The following TTN variants were observed in gnomAD, a reference collection of about 807,000 sequenced individuals.
TTN encodes titin.
A neutral mutation model predicts 3,223.0 loss-of-function variants in TTN; 1,525 were observed. The ratio of observed to expected loss-of-function variants is 0.47; its 90% CI spans 0.45 to 0.49. TTN has a LOEUF of 0.49. TTN is among the 20% of genes least tolerant of loss of function. The pLI, the probability that TTN is intolerant of heterozygous loss-of-function variation, is 0.00. For missense variants in TTN, 40,786 were observed against 43,424.0 expected (o/e 0.94, Z 5.40); for synonymous variants, 14,094 against 15,161.0 (o/e 0.93, Z 5.17).
In TTN at chr2:178,695,348, C is replaced by G. The variant is rs1352290576; in HGVS notation, c.31270G>C (p.Val10424Leu). 6.2e-7 allele frequency: 1 copy of G among 1,610,626 alleles called. No individual in the cohort carries two copies. Among genetic ancestry groups the G allele is most frequent in the Admixed American group, 1.7e-5 (1 of 59,926 alleles). ...TATTTAAATATTTCTAATTACTTAC[C>G]TTTAGGAGGTGGTGGTGCTTTCTTT... ...PEKKAPPPPK[V>L]IKKPVIEKIE... Residue 10424 changes from valine to leucine, a missense_variant and splice_region_variant, in exon 115 of 363, where the codon GTT becomes CTT. Physicochemically the swap from Val to Leu is conservative, Grantham distance 32. Transcript: ENST00000589042.
At chr2:178,676,822 G>A (rs959242091) in intron 147 of TTN, among the ~76,000 whole-genome samples, 1 of 151,456 alleles carries the variant, frequency 6.6e-6, no homozygotes, top group African/African-American at 2.4e-5. Flanking sequence ...TGTTAAAAAG[G>A]CATTTAATAT....
chr2:178,617,057 G>C (rs773300670), intron 255 of TTN, 44 bp from the exon 256 acceptor site: 18 of 1,610,962 alleles, frequency 1.1e-5, no homozygotes, highest in Non-Finnish European at 3.4e-6. Flanking sequence ...CCATATTTAA[G>C]TCCCTGTTGC....
In TTN at chr2:178,569,006, T is replaced by A. The variant is rs1707103269; in HGVS notation, c.77126A>T (p.Asp25709Val). 6.2e-7 allele frequency: 1 copy of A among 1,613,280 alleles called. No individual in the cohort carries two copies. The highest frequency in any genetic ancestry group is 8.5e-7 in the Non-Finnish European group (1 of 1,179,556). ...CAGAGAGACACTGTTTCTGGTGACA[T>A]CATCCACAGTTATTTTTCCAGGAGG... ...PQPPGKITVD[D>V]VTRNSVSLSW... Residue 25709 changes from aspartate to valine, a missense_variant, in exon 326 of 363, where the codon GAT becomes GTT. By Grantham distance (152) the Asp-to-Val change is radical. Transcript: ENST00000589042.
rs906494713 is a variant in TTN, at chr2:178,610,090, G to T, written c.51436C>A (p.Gln17146Lys). Residue 17146 changes from glutamine (Q) to lysine (K), a missense_variant and splice_region_variant, in exon 271 of 363, where the codon CAA (glutamine) becomes AAA (lysine). Transcript: ENST00000589042. The stretch of plus-strand genomic sequence containing the variant: ...ATAGTGCATCCATGTCCAAACTTAC[G>T]CTTTGGATCTTGAGCAATGACTGGA... ...KNPVIAQDPK[Q>K]PPDPPVDVEV... is the part of the protein sequence containing the mutation. 1 of 1,612,492 alleles carries T rather than the reference G, an allele frequency of 6.2e-7. No homozygotes were observed. The highest frequency in any genetic ancestry group is 8.5e-7 in the Non-Finnish European group (1 of 1,179,238).
At chr2:178,545,271 A>G (rs918366485) in intron 344 of TTN, 117 bp downstream of exon 344, 2 of 895,390 alleles carry the variant, frequency 2.2e-6, no homozygotes, top group African/African-American at 1.7e-5. Context: ...GCAAATAAGC[A>G]TGTGCTTTTC....
At chr2:178,784,422 T>A in intron 15 of TTN, 71 bp from the exon 16 acceptor site, 1 of 1,575,576 alleles carries the variant, frequency 6.3e-7, no homozygotes, top group African/African-American at 1.3e-5. Context: ...TTGGACTGAG[T>A]CTGAGCCTAT....
intron 218 of TTN, 117 bp downstream of exon 218, chr2:178,644,431 T>G: frequency 1.4e-6 from 1 of 729,732 alleles, no homozygotes; most frequent in South Asian, 2.5e-5. Flanking sequence ...AAGAAATGAA[T>G]GGGACTACTC....
In TTN at chr2:178,604,992, A is replaced by T. The variant is rs753606067; in HGVS notation, c.54185T>A (p.Val18062Glu). The change falls in exon 280 of 363, where the codon GTA becomes GAA. Residue 18062 changes from valine to glutamate, a missense_variant. Val to Glu is a moderately radical substitution (Grantham distance 121). Coordinates refer to ENST00000589042, the MANE Select transcript of TTN (RefSeq NM_001267550.2). ...GSVFRNVHVEVYDRPSPPRNL... is the reference protein window; with the variant it reads ...GSVFRNVHVEEYDRPSPPRNL... ...TAAGAAAGCAAGTCACTTACCATAT[A>T]CTTCAACGTGAACATTTCGGAACAC... The T allele has an allele frequency of 1.3e-6, 2 of 1,594,492 alleles. No individual in the cohort carries two copies. Among genetic ancestry groups the T allele is most frequent in the South Asian group, 1.1e-5 (1 of 87,874 alleles).
intron 20 of TTN, among the ~76,000 whole-genome samples, chr2:178,781,919 T>G (rs1382684718): frequency 6.6e-6 from 1 of 151,890 alleles, no homozygotes; most frequent in Non-Finnish European, 1.5e-5. Flanking sequence ...TGTGTGTGTG[T>G]GTGTGTGTGT....
intron 6 of TTN, among the ~76,000 whole-genome samples, chr2:178,796,829 G>A (rs1424555374): frequency 1.3e-5 from 2 of 152,096 alleles, no homozygotes; most frequent in Admixed American, 6.5e-5. Flanking sequence ...TTATAGGAGA[G>A]TGCTTATTTC....
rs750298764 is a variant in TTN at position 178,618,221 on chromosome 2, G to T, written c.47237C>A (p.Thr15746Asn). 2 of 1,612,612 alleles carry T rather than the reference G, an allele frequency of 1.2e-6. No homozygotes were observed. Among genetic ancestry groups the T allele is most frequent in the Admixed American group, 3.3e-5 (2 of 59,918 alleles). Residue 15746 changes from threonine to asparagine, a missense_variant, in exon 252 of 363, where the codon ACT becomes AAT. Transcript: ENST00000589042. ...NRVGTGEPVETDNPVEARSKY... is the reference protein window; with the variant it reads ...NRVGTGEPVENDNPVEARSKY... ...ACTCCTTGCTTCTACAGGATTGTCAGTTTCTACTGGCTCACCAGTGCCAAC... is the reference window on the plus strand; with the variant it reads ...ACTCCTTGCTTCTACAGGATTGTCATTTTCTACTGGCTCACCAGTGCCAAC...
rs771825568 is a variant in TTN at position 178,706,621 on chromosome 2, G to T, written c.29253C>A (p.Gly9751=). ...QGGRVFIHQK[G]DEAKLEIRDT... is the part of the protein sequence containing the mutation. Reference sequence around the variant, plus strand: ...CCCTAATCTCCAGTTTTGCTTCATCGCCTTTTTGGTGGATGAAAACACGAC... The same window carrying T: ...CCCTAATCTCCAGTTTTGCTTCATCTCCTTTTTGGTGGATGAAAACACGAC... The change falls in exon 102 of 363, where the codon GGC becomes GGA. Residue 9751 remains glycine (G), a synonymous_variant. Transcript: ENST00000589042. 6 of 1,613,692 alleles carry T rather than the reference G, an allele frequency of 3.7e-6. No individual in the cohort carries two copies. The highest frequency in any genetic ancestry group is 5.1e-6 in the Non-Finnish European group (6 of 1,179,834).
chr2:178,713,964 C>G lies in TTN; in HGVS notation c.26694G>C (p.Gly8898=). 6.2e-7 allele frequency: 1 copy of G among 1,613,576 alleles called. No individual in the cohort carries two copies. Among genetic ancestry groups the G allele is most frequent in the African/African-American group, 1.3e-5 (1 of 75,008 alleles). ...GGTTCTGCACCTCAAAACTGTATACCCCACTGTCACTCGGTGCTACATTGA... is the reference window on the plus strand; with the variant it reads ...GGTTCTGCACCTCAAAACTGTATACGCCACTGTCACTCGGTGCTACATTGA... ...KIINVAPSDS[G]VYSFEVQNPV... The change falls in exon 92 of 363, where the codon GGG becomes GGC. Residue 8898 remains glycine (G), a synonymous_variant. Transcript: ENST00000589042.
chr2:178,758,441 A>G (rs1306470001), intron 44 of TTN, among the ~76,000 whole-genome samples: 1 of 152,194 alleles, frequency 6.6e-6, no homozygotes, highest in Non-Finnish European at 1.5e-5. Flanking sequence ...GTTTCTGATT[A>G]CAATTTAAGA....
chr2:178,770,910 A>G (rs930653111), intron 34 of TTN: 2 of 794,496 alleles, frequency 2.5e-6, no homozygotes, highest in Non-Finnish European at 4.4e-6. Context: ...TGAAGTTTGC[A>G]TAGCTATGTA....
chr2:178,527,665 C>T lies in TTN; in HGVS notation c.107461G>A (p.Val35821Ile). 6.2e-7 allele frequency: 1 copy of T among 1,613,904 alleles called. No individual in the cohort carries two copies. Among genetic ancestry groups the T allele is most frequent in the Non-Finnish European group, 8.5e-7 (1 of 1,179,800 alleles). Residue 35821 changes from valine (V) to isoleucine (I), a missense_variant, in exon 362 of 363, where the codon GTC becomes ATC. Physicochemically the swap from Val to Ile is conservative, Grantham distance 29. Transcript: ENST00000589042. ...TCCTGCTTGGAGGCAGACATTTGGACTGACTGAGACGAGAAGCTTCCTTGC... is the reference window on the plus strand; with the variant it reads ...TCCTGCTTGGAGGCAGACATTTGGATTGACTGAGACGAGAAGCTTCCTTGC... ...SLQGSFSSQSVQMSASKQEAS... is the reference protein window; with the variant it reads ...SLQGSFSSQSIQMSASKQEAS...
In TTN at chr2:178,560,166, A is replaced by T; in HGVS notation, c.85966T>A (p.Ser28656Thr). The T allele has an allele frequency of 1.9e-6, 3 of 1,613,646 alleles. No homozygotes were observed. The highest frequency in any genetic ancestry group is 2.5e-6 in the Non-Finnish European group (3 of 1,179,710). Residue 28656 changes from serine (S) to threonine (T), a missense_variant, in exon 326 of 363, where the codon TCC becomes ACC. Ser to Thr is a moderately conservative substitution (Grantham distance 58). Coordinates refer to ENST00000589042, the MANE Select transcript of TTN (RefSeq NM_001267550.2). ...CCTGAGTCCACAATTTTGGGTTTGG[A>T]TGGAGGAGATGGTAGGAACACTGGA... ...EDPVFLPSPP[S>T]KPKIVDSGKT...
At chr2:178,726,890 A>C (rs1476321668) in intron 69 of TTN, 200 bp downstream of exon 69, 5 of 448,150 alleles carry the variant, frequency 1.1e-5, no homozygotes, top group Non-Finnish European at 1.1e-5. Flanking sequence ...CTGGAATAAC[A>C]AAAATATTTC....
In TTN at chr2:178,557,473, T is replaced by G. The variant is rs2154155643; in HGVS notation, c.87789A>C (p.Ser29263=). ...SITVGWHEPV[S]NGGSAVVGYH... ...AGCCTACGACTGCACTGCCTCCATT[T>G]GACACTGGTTCATGCCAGCCCACAG... The change falls in exon 329 of 363, where the codon TCA becomes TCC. Residue 29263 remains serine, a synonymous_variant. Coordinates refer to ENST00000589042, the MANE Select transcript of TTN (RefSeq NM_001267550.2). 8 of 1,613,966 alleles carry G rather than the reference T, an allele frequency of 5.0e-6. No individual in the cohort carries two copies. Among genetic ancestry groups the G allele is most frequent in the Non-Finnish European group, 6.8e-6 (8 of 1,179,866 alleles).
Sources: gnomAD v4.1 joint callset for allele counts (sites outside exome capture counted in the v4.1 genomes callset) on GRCh38, gnomAD v4.1.1 for gene constraint, MANE v1.5 for transcripts, NCBI Gene and HGNC (gene_info 2026-07-23, HGNC 2026-07-21) for gene names.